Variants in RYR1 observed in about 807,000 individuals in gnomAD.
The protein encoded by RYR1 is central core disease of muscle.
RYR1 carries 342 observed loss-of-function variants against 583.5 expected under a neutral mutation model. The observed-to-expected ratio is 0.59, with a 90% confidence interval of 0.54 to 0.64. RYR1 has a LOEUF of 0.64. Ranked by LOEUF, RYR1 falls within the 30% of genes least tolerant of loss-of-function variation. RYR1 has a pLI of 0.00. For missense variants in RYR1, 6,032 were observed against 6,917.2 expected, an observed-to-expected ratio of 0.87 and a Z score of 4.54; for synonymous variants, 2,791 against 2,822.5, an observed-to-expected ratio of 0.99 and a Z score of 0.35.
intron 37 of RYR1, 119 bp from the exon 38 acceptor site, chr19:38,492,371 A>AC: frequency 1.7e-6 from 2 of 1,186,260 alleles, no homozygotes; most frequent in East Asian, 5.0e-5. Flanking sequence ...AAAAAAAAAA[A>AC]AAAAAAGGAA....
chr19:38,475,467 C>T lies in RYR1; in HGVS notation c.4293+17C>T, dbSNP rs755382357. ...ACCACCACGGTGTGGACCAGTAACC[C>T]TCAATTTTGGGGTCCCCCCGCATAG... On this transcript the variant is annotated intron_variant, in intron 29 of 105. Transcript: ENST00000359596. The T allele has an allele frequency of 2.5e-6, 4 of 1,613,000 alleles. No homozygotes were observed. The African/African-American group carries it at 5.3e-5, about 22-fold the overall frequency.
At chr19:38,451,718 C>T (rs1188294138) in intron 11 of RYR1, 46 bp from the exon 12 acceptor site, 1 of 1,612,734 alleles carries the variant, frequency 6.2e-7, no homozygotes, top group South Asian at 1.1e-5. Flanking sequence ...GGGGCATGGC[C>T]CTGGGTGGCT....
chr19:38,523,410 C>T (rs539212571), intron 69 of RYR1, 101 bp downstream of exon 69: 149 of 1,384,686 alleles, frequency 1.1e-4, no homozygotes, highest in Non-Finnish European at 1.4e-4. Context: ...CCGTCCTGGG[C>T]GCAATCCCTG....
rs547288253 is a variant in RYR1, at chr19:38,464,278, G to GAAAAAAAAAA, written c.2787-339_2787-330dup. Among the ~76,000 whole-genome samples, 30 of 64,242 alleles carry GAAAAAAAAAA rather than the reference G, an allele frequency of 4.7e-4. 1 individual carries two copies. Among genetic ancestry groups the GAAAAAAAAAA allele is most frequent in the Admixed American group, 7.1e-4 (3 of 4,236 alleles). 42.1% of individuals were successfully genotyped at this position (64,242 alleles called of 152,430 possible). A position where few individuals can be genotyped will look rare whatever the true frequency, so the allele number is the denominator to read the frequency against. On this transcript the variant is annotated intron_variant, in intron 22 of 105. Transcript: ENST00000359596. ...GGCGACAGAGCGAGACACCGTTTCA[G>GAAAAAAAAAA]AAAAAAAAAAAAAAAAAAAAAAAAA...
chr19:38,506,410 G>C (rs754204237), intron 55 of RYR1, 33 bp downstream of exon 55: 8 of 1,613,672 alleles, frequency 5.0e-6, no homozygotes, highest in Non-Finnish European at 5.9e-6. Flanking sequence ...GGGGACATAG[G>C]GTGTCTTTGG....
At position 38,517,339 on chromosome 19, in the gene RYR1, C is replaced by T. The variant is rs201605096; in HGVS notation, c.9686-20C>T. 10 of 1,610,006 alleles carry T rather than the reference C, an allele frequency of 6.2e-6. No individual in the cohort carries two copies. The East Asian group carries it at 1.1e-4, about 18-fold the overall frequency. On this transcript the variant is annotated intron_variant, in intron 65 of 105. Coordinates refer to ENST00000359596, the MANE Select transcript of RYR1 (RefSeq NM_000540.3). The stretch of plus-strand genomic sequence containing the variant: ...GGGGGTGATGGCTTGACATTCCCTG[C>T]CCCCGTCCCTGTACCCCAGTCCTGG...
intron 52 of RYR1, 70 bp from the exon 53 acceptor site, chr19:38,505,239 C>A (rs1029602860): frequency 4.9e-6 from 6 of 1,235,818 alleles, no homozygotes; most frequent in Non-Finnish European, 7.1e-6. Context: ...CTGTCCTCGG[C>A]TCCTCCAGGG....
intron 90 of RYR1, among the ~76,000 whole-genome samples, chr19:38,564,735 C>T (rs1007098427): frequency 2.0e-5 from 3 of 152,130 alleles, no homozygotes; most frequent in Non-Finnish European, 4.4e-5. Context: ...AGGCTGGTCT[C>T]GAACTCCTGA....
At chr19:38,503,804 G>A (rs992236691) in intron 49 of RYR1, among the ~76,000 whole-genome samples, 4 of 151,956 alleles carry the variant, frequency 2.6e-5, no homozygotes, top group Non-Finnish European at 5.9e-5. Flanking sequence ...ATTTTGGATA[G>A]TGGAGGCCCT....
intron 69 of RYR1, chr19:38,523,671 AT>A (rs1971326207): frequency 1.7e-6 from 1 of 589,134 alleles, no homozygotes. Flanking sequence ...CCCCTCTTCC[AT>A]TTCTTTCTTC....
At position 38,505,062 on chromosome 19, in the gene RYR1, A is replaced by G. The variant is rs1403616422; in HGVS notation, c.8291A>G (p.Glu2764Gly). The change falls in exon 52 of 106, where the codon GAG becomes GGG. Residue 2764 changes from glutamate to glycine, a missense_variant. Physicochemically the swap from Glu to Gly is moderately conservative, Grantham distance 98. This residue lies in a region of RYR1 where 1,493 missense variants were observed against 1,715.5 expected (regional missense o/e 0.87). Coordinates refer to ENST00000359596, the MANE Select transcript of RYR1 (RefSeq NM_000540.3). ...AACAAGTTTGCGGAGTACACACACG[A>G]GAAGTGGGCCTTCGACAAGGTTGGC... The part of the protein sequence containing the change: ...FINKFAEYTH[E>G]KWAFDKIQNN... 3.1e-6 allele frequency: 5 copies of G among 1,614,008 alleles called. No homozygotes were observed. Among genetic ancestry groups the G allele is most frequent in the Non-Finnish European group, 4.2e-6 (5 of 1,180,024 alleles).
At chr19:38,487,266 C>T (rs1279666492) in intron 34 of RYR1, among the ~76,000 whole-genome samples, 1 of 152,164 alleles carries the variant, frequency 6.6e-6, no homozygotes, top group East Asian at 1.9e-4. Context: ...GTTCCCTATC[C>T]TTCTCTCCAT....
intron 20 of RYR1, 70 bp downstream of exon 20, chr19:38,460,661 C>T: frequency 7.1e-7 from 1 of 1,408,946 alleles, no homozygotes; most frequent in Non-Finnish European, 9.9e-7. Context: ...GGGCAGGGTG[C>T]CATCGTTCAT....
In RYR1 at chr19:38,580,284, C is replaced by T. The variant is rs541767308; in HGVS notation, c.14512-86C>T. The T allele has an allele frequency of 1.1e-4, 180 of 1,595,770 alleles. No homozygotes were observed. The African/African-American group carries it at 1.9e-3, about 17-fold the overall frequency. On this transcript the variant is annotated intron_variant, in intron 100 of 105. Coordinates refer to ENST00000359596, the MANE Select transcript of RYR1 (RefSeq NM_000540.3). ...GGGCAGCAAGGTAGAGCCACAGGGA[C>T]TGAACCGGGGCCAGGACCCAGCATG...
chr19:38,532,568 G>A (rs746697450), intron 77 of RYR1, 27 bp downstream of exon 77: 8 of 1,614,022 alleles, frequency 5.0e-6, no homozygotes, highest in Middle Eastern at 3.3e-4. Context: ...CTCTTCTGGG[G>A]CAGATTTCCC....
intron 28 of RYR1, among the ~76,000 whole-genome samples, chr19:38,474,073 A>G (rs1280197362): frequency 6.6e-6 from 1 of 152,216 alleles, no homozygotes; most frequent in Non-Finnish European, 1.5e-5. Flanking sequence ...ATCCGTGGAC[A>G]CTAAAAGGGA....
At chr19:38,539,838 A>G (rs1376916507) in intron 84 of RYR1, among the ~76,000 whole-genome samples, 2 of 152,136 alleles carry the variant, frequency 1.3e-5, no homozygotes, top group Non-Finnish European at 2.9e-5. Flanking sequence ...AGGTGTTGTC[A>G]GTTGCCAGAA....
intron 97 of RYR1, among the ~76,000 whole-genome samples, chr19:38,576,749 G>A (rs563043040): frequency 3.3e-5 from 5 of 151,856 alleles, no homozygotes; most frequent in African/African-American, 9.7e-5. Flanking sequence ...GCAGTGAGCC[G>A]AGATCGCGCC....
chr19:38,496,869 G>A lies in RYR1; in HGVS notation c.6806G>A (p.Gly2269Asp), dbSNP rs1439136215. Residue 2269 changes from glycine (G) to aspartate (D), a missense_variant, in exon 42 of 106, where the codon GGC (glycine) becomes GAC (aspartate). Coordinates refer to ENST00000359596, the MANE Select transcript of RYR1 (RefSeq NM_000540.3). The surrounding 1 kb of genome is among the most constrained non-coding windows in gnomAD (Gnocchi z 4.8). Reference sequence around the variant, plus strand: ...CCTCTCGCCCCTGCAGGCATGCAGGGCTCCACGCCCCTGGACGTGGCTGCT... The same window carrying A: ...CCTCTCGCCCCTGCAGGCATGCAGGACTCCACGCCCCTGGACGTGGCTGCT... ...ENSGIGLGMQ[G>D]STPLDVAAAS... The A allele has an allele frequency of 1.9e-6, 3 of 1,613,284 alleles. No individual in the cohort carries two copies. Among genetic ancestry groups the A allele is most frequent in the Non-Finnish European group, 2.5e-6 (3 of 1,179,904 alleles).
Sources: gnomAD v4.1 joint callset for allele counts (sites outside exome capture counted in the v4.1 genomes callset) on GRCh38, gnomAD v4.1.1 for gene constraint, gnomAD v4.1.1 regional missense constraint, Gnocchi (gnomAD v3.1) non-coding constraint, MANE v1.5 for transcripts, NCBI Gene and HGNC (gene_info 2026-07-23, HGNC 2026-07-21) for gene names.